CEP350: variants seen among roughly 807,000 people sequenced by gnomAD.
CEP350 encodes the protein centrosome-associated protein 350.
Under a neutral mutation model 331.8 loss-of-function variants are expected in CEP350, and 126 were observed. The ratio of observed to expected loss-of-function variants is 0.38; its 90% CI spans 0.33 to 0.44. The LOEUF is 0.44. Ranked by LOEUF, CEP350 falls within the 20% of genes least tolerant of loss-of-function variation. The pLI is 1.00. For missense variants in CEP350, 3,406 were observed against 3,634.6 expected (o/e 0.94, Z 1.62); for synonymous variants, 1,200 against 1,259.5 (o/e 0.95, Z 1.00).
At chr1:180,095,317 T>C in intron 34 of CEP350, 1 of 482,802 alleles carries the variant, frequency 2.1e-6, no homozygotes, top group Non-Finnish European at 3.5e-6. Context: ...AATTCAGTTA[T>C]ATGCAAGGTT....
chr1:180,090,409 G>C (rs959625924), intron 32 of CEP350, among the ~76,000 whole-genome samples: 1 of 151,348 alleles, frequency 6.6e-6, no homozygotes, highest in South Asian at 2.1e-4. Flanking sequence ...AGCCGGGCGT[G>C]GTGGCGGGCG....
At chr1:180,031,285 T>C (rs779067896) in intron 14 of CEP350, 35 bp from the exon 15 acceptor site, 16 of 1,301,770 alleles carry the variant, frequency 1.2e-5, no homozygotes, top group Non-Finnish European at 1.6e-5. Context: ...ACTTCTAATA[T>C]TGGGAATCAG....
At chr1:179,992,330 G>A (rs1479900806) in intron 5 of CEP350, 109 bp downstream of exon 5, 2 of 838,990 alleles carry the variant, frequency 2.4e-6, no homozygotes, top group African/African-American at 3.6e-5. Context: ...TTGTGAAATA[G>A]TATAATACTC....
chr1:180,023,302 A>C (rs1368873922), intron 13 of CEP350, among the ~76,000 whole-genome samples: 4 of 152,144 alleles, frequency 2.6e-5, no homozygotes, highest in African/African-American at 9.7e-5. Context: ...TCACTTACTT[A>C]GAACAGGGCC....
At chr1:180,078,350 G>A (rs1017371104) in intron 28 of CEP350, 113 bp from the exon 29 acceptor site, 11 of 720,474 alleles carry the variant, frequency 1.5e-5, no homozygotes, top group Non-Finnish European at 2.5e-5. Flanking sequence ...TCCTGTTTGT[G>A]GGAGACAAAA....
rs758830741 is a variant in CEP350, at chr1:179,996,561, A to G, written c.404A>G (p.His135Arg). The G allele has an allele frequency of 4.5e-6, 7 of 1,555,784 alleles. No homozygotes were observed. The Admixed American group carries it at 7.8e-5, about 17-fold the overall frequency. Reference protein sequence around the residue: ...REPLVSYREIHGAPSNFSSSH... With the variant: ...REPLVSYREIRGAPSNFSSSH... ...ATTATTTTTTATTGTAGGGAAATCC[A>G]TGGTGCACCTTCCAATTTCAGTTCC... is the stretch of plus-strand genomic sequence containing the variant. The change falls in exon 6 of 38, where the codon CAT (histidine) becomes CGT (arginine). Residue 135 changes from histidine to arginine, a missense_variant. By Grantham distance (29) the His-to-Arg change is conservative. Coordinates refer to ENST00000367607, the MANE Select transcript of CEP350 (RefSeq NM_014810.5).
rs140855739 is a variant in CEP350, at chr1:180,041,777, C to T, written c.4337C>T (p.Thr1446Ile). 1,126 of 1,612,670 alleles carry T rather than the reference C, an allele frequency of 7.0e-4. 1 individual carries two copies. The highest frequency in any genetic ancestry group is 8.9e-4 in the Non-Finnish European group (1,050 of 1,179,332). The change falls in exon 19 of 38, where the codon ACA becomes ATA. Residue 1446 changes from threonine (T) to isoleucine (I), a missense_variant. This residue lies in a region of CEP350 where 1,857 missense variants were observed against 1,909.2 expected (regional missense o/e 0.97). Coordinates refer to ENST00000367607, the MANE Select transcript of CEP350 (RefSeq NM_014810.5). ...AQQSETARLT[T>I]DAARQICEMA... ...CAGTCAGAAACTGCTCGCCTCACCA[C>T]AGACGCAGCACGTCAAATCTGTGAG... is the stretch of plus-strand genomic sequence containing the variant.
chr1:179,991,399 C>G (rs986179669), intron 4 of CEP350, among the ~76,000 whole-genome samples: 1 of 149,234 alleles, frequency 6.7e-6, no homozygotes, highest in African/African-American at 2.5e-5. Flanking sequence ...TCACTGCAAC[C>G]TCTACGTCCT....
chr1:179,969,126 A>G, intron 1 of CEP350: 1 of 658,924 alleles, frequency 1.5e-6, no homozygotes. Context: ...CCGTGCAACA[A>G]TAAGGAAGCT....
chr1:180,099,525 T>G (rs928327727), intron 37 of CEP350, among the ~76,000 whole-genome samples: 9 of 152,188 alleles, frequency 5.9e-5, no homozygotes, highest in African/African-American at 2.2e-4. Context: ...TTATTTGGTT[T>G]TGCAATATAT....
chr1:180,047,772 A>G (rs1657226813), intron 21 of CEP350, among the ~76,000 whole-genome samples: 1 of 150,812 alleles, frequency 6.6e-6, no homozygotes, highest in Non-Finnish European at 1.5e-5. Flanking sequence ...AAAAAAAAAA[A>G]AAAAAAGAAA....
intron 1 of CEP350, among the ~76,000 whole-genome samples, chr1:179,972,126 T>G (rs1651494888): frequency 6.6e-6 from 1 of 152,106 alleles, no homozygotes; most frequent in African/African-American, 2.4e-5. Context: ...GATGGTGAGT[T>G]TAATGTGCCT....
At chr1:179,957,386 ATTT>A (rs1571765516) in intron 1 of CEP350, among the ~76,000 whole-genome samples, 1 of 152,026 alleles carries the variant, frequency 6.6e-6, no homozygotes, top group African/African-American at 2.4e-5. Context: ...ATTGCATAGT[ATTT>A]TTTTCTGTAT....
chr1:180,043,008 A>T (rs747425161), intron 19 of CEP350, 48 bp from the exon 20 acceptor site: 22 of 1,577,190 alleles, frequency 1.4e-5, no homozygotes, highest in Non-Finnish European at 1.9e-5. Context: ...CAGTTCTCTG[A>T]CCTTACGTTT....
chr1:180,003,138 T>G, intron 6 of CEP350, 36 bp from the exon 7 acceptor site: 2 of 1,358,744 alleles, frequency 1.5e-6, no homozygotes. Context: ...TAAAGCAACT[T>G]TGATAAGAAT....
At chr1:180,042,738 T>C (rs1027617029) in intron 19 of CEP350, among the ~76,000 whole-genome samples, 3 of 152,242 alleles carry the variant, frequency 2.0e-5, no homozygotes, top group South Asian at 2.1e-4. Context: ...GAAGTAGTAA[T>C]TAAATTGATT....
chr1:180,047,389 A>T lies in CEP350; in HGVS notation c.4623-1147A>T, dbSNP rs142105539. ...TCAAGGGAAGGGCAAAGATAATGAT[A>T]CAAATTTGAGGCTCACTCTAAATGA... On this transcript the variant is annotated intron_variant, in intron 21 of 37. Coordinates refer to ENST00000367607, the MANE Select transcript of CEP350 (RefSeq NM_014810.5). Among the ~76,000 whole-genome samples the T allele has an allele frequency of 1.1e-4, 17 of 152,260 alleles. 1 individual carries two copies. In the East Asian group the frequency reaches 3.3e-3, roughly 29 times the overall value.
At position 180,020,499 on chromosome 1, in the gene CEP350, G is replaced by T; in HGVS notation, c.2725G>T (p.Asp909Tyr). The change falls in exon 12 of 38, where the codon GAT (aspartate) becomes TAT (tyrosine). Residue 909 changes from aspartate (D) to tyrosine (Y), a missense_variant. Physicochemically the swap from Asp to Tyr is radical, Grantham distance 160 (BLOSUM62 -3). This residue lies in a region of CEP350 where 1,857 missense variants were observed against 1,909.2 expected (regional missense o/e 0.97). Transcript: ENST00000367607. ...TGTATCTCATGCAACTTTTGATGAT[G>T]ATCTTCCTGGTGTAGGCAATCTTAG... ...SCVSHATFDD[D>Y]LPGVGNLSEF... The T allele has an allele frequency of 6.2e-7, 1 of 1,613,964 alleles. No homozygotes were observed. Among genetic ancestry groups the T allele is most frequent in the South Asian group, 1.1e-5 (1 of 91,082 alleles).
At chr1:180,008,562 T>C (rs537624597) in intron 8 of CEP350, among the ~76,000 whole-genome samples, 1 of 152,318 alleles carries the variant, frequency 6.6e-6, no homozygotes, top group East Asian at 1.9e-4. Context: ...TGGAGAAAGT[T>C]GGGAACCTGT....
Sources: gnomAD v4.1 joint callset for allele counts (sites outside exome capture counted in the v4.1 genomes callset) on GRCh38, gnomAD v4.1.1 for gene constraint, gnomAD v4.1.1 regional missense constraint, MANE v1.5 for transcripts, NCBI Gene and HGNC (gene_info 2026-07-23, HGNC 2026-07-21) for gene names.